CAPN13: variants seen among roughly 807,000 people sequenced by gnomAD.
The protein encoded by CAPN13 is calpain-13.
CAPN13 carries 90 observed loss-of-function variants against 98.4 expected under a neutral mutation model. The ratio of observed to expected loss-of-function variants is 0.92; its 90% CI spans 0.77 to 1.09. The LOEUF (loss-of-function observed/expected upper bound fraction) is 1.09, where lower values mean the gene tolerates loss of function less well. CAPN13 is among the 50% of genes least tolerant of loss of function. The probability of loss-of-function intolerance (pLI) is 0.00; values close to 1 mark genes in which losing one functional copy is unlikely to be tolerated. For missense variants in CAPN13, 887 were observed against 841.3 expected, an observed-to-expected ratio of 1.05 and a Z score of -0.67; for synonymous variants, 330 against 305.5, an observed-to-expected ratio of 1.08 and a Z score of -0.84.
chr2:30,742,083 G>A (rs956789175), intron 14 of CAPN13, 119 bp from the exon 15 acceptor site: 2 of 1,038,754 alleles, frequency 1.9e-6, no homozygotes. Flanking sequence ...TTGGGCAGTT[G>A]GAAAAAGCCT....
intron 2 of CAPN13, among the ~76,000 whole-genome samples, chr2:30,781,127 A>G (rs888383954): frequency 5.3e-5 from 8 of 152,344 alleles, no homozygotes; most frequent in African/African-American, 1.7e-4. Context: ...AGATTCACAT[A>G]GCTTCTCAGG....
At chr2:30,769,228 G>A (rs1211652970) in intron 5 of CAPN13, among the ~76,000 whole-genome samples, 1 of 152,016 alleles carries the variant, frequency 6.6e-6, no homozygotes, top group African/African-American at 2.4e-5. Flanking sequence ...TCCCCTTAGG[G>A]GCCCCCAGGA....
chr2:30,738,559 T>A (rs1671495949), intron 15 of CAPN13, 102 bp from the exon 16 acceptor site: 1 of 1,241,638 alleles, frequency 8.1e-7, no homozygotes. Flanking sequence ...AAGCACTTAG[T>A]CCCCACAATG....
intron 19 of CAPN13, 44 bp from the exon 20 acceptor site, chr2:30,732,610 C>A: frequency 1.3e-6 from 2 of 1,579,704 alleles, no homozygotes; most frequent in East Asian, 2.3e-5. Context: ...GGCTAGGGCT[C>A]GGGGGTTCCT....
chr2:30,794,995 C>T (rs926476277), intron 1 of CAPN13, among the ~76,000 whole-genome samples: 6 of 151,782 alleles, frequency 4.0e-5, no homozygotes, highest in African/African-American at 1.5e-4. Context: ...AAAGTTTATA[C>T]CTTAAACATA....
chr2:30,792,871 A>G (rs1327212248), intron 1 of CAPN13, among the ~76,000 whole-genome samples: 5 of 152,106 alleles, frequency 3.3e-5, no homozygotes, highest in East Asian at 3.9e-4. Flanking sequence ...AAGATACCAC[A>G]TCATAAGTTG....
At chr2:30,723,705 G>T (rs1008817324) in intron 22 of CAPN13, among the ~76,000 whole-genome samples, 6 of 152,104 alleles carry the variant, frequency 3.9e-5, no homozygotes, top group Admixed American at 2.6e-4. Context: ...AAGTGCAGGG[G>T]GCTTGGAATA....
chr2:30,787,395 A>G lies in CAPN13; in HGVS notation c.-32-38T>C, dbSNP rs192505621. The G allele has an allele frequency of 1.7e-4, 243 of 1,464,824 alleles. 4 individuals are homozygous for G. The East Asian group carries it at 5.8e-3, about 35-fold the overall frequency. The allele number at this position is 1,464,824 out of a possible 1,614,324, so 90.7% of individuals were successfully genotyped here. A position where few individuals can be genotyped will look rare whatever the true frequency, so the allele number is the denominator to read the frequency against. On this transcript the variant is annotated intron_variant, in intron 1 of 22. Transcript: ENST00000295055. Reference sequence around the variant, plus strand: ...AAAAGGGATACCTTTGGGGTAAGCCATCAAGTCCTTTGCATCATCAAATGT... The same window carrying G: ...AAAAGGGATACCTTTGGGGTAAGCCGTCAAGTCCTTTGCATCATCAAATGT...
In CAPN13 at chr2:30,787,199, C is replaced by A; in HGVS notation, c.127G>T (p.Ala43Ser). 1.2e-6 allele frequency: 2 copies of A among 1,603,644 alleles called. No homozygotes were observed. The highest frequency in any genetic ancestry group is 1.7e-6 in the Non-Finnish European group (2 of 1,175,200). Residue 43 changes from alanine (A) to serine (S), a missense_variant, in exon 2 of 23, where the codon GCA becomes TCA. Transcript: ENST00000295055. ...RTFKDETFPA[A>S]DSSIGQKLLQ... ...AGCTTCTGGCCTATGGAAGAATCTG[C>A]TGCAGGGAATGTCTCATCCTTAAAC...
intron 5 of CAPN13, among the ~76,000 whole-genome samples, chr2:30,769,937 T>G (rs1188478332): frequency 6.6e-6 from 1 of 152,122 alleles, no homozygotes; most frequent in African/African-American, 2.4e-5. Context: ...GAGGCCTCAC[T>G]CAAATGCCAC....
At chr2:30,792,713 G>C (rs1359907253) in intron 1 of CAPN13, among the ~76,000 whole-genome samples, 1 of 151,700 alleles carries the variant, frequency 6.6e-6, no homozygotes, top group Non-Finnish European at 1.5e-5. Flanking sequence ...ATTTTTATCA[G>C]CTCAGCAAAA....
rs77460230 is a variant in CAPN13 at position 30,752,615 on chromosome 2, C to T, written c.1087+438G>A. Reference sequence around the variant, plus strand: ...AGTATGACTATTTCCACTGCTGAGTCTTGGGGAGGCTGAGGACAGGGTGAC... The same window carrying T: ...AGTATGACTATTTCCACTGCTGAGTTTTGGGGAGGCTGAGGACAGGGTGAC... On this transcript the variant is annotated intron_variant, in intron 10 of 22. Transcript: ENST00000295055. Among the ~76,000 whole-genome samples the T allele has an allele frequency of 6.9e-3, 1,057 of 152,278 alleles. 7 individuals carry two copies. The highest frequency in any genetic ancestry group is 0.01 in the Non-Finnish European group (698 of 68,018).
chr2:30,754,745 A>G (rs1572821802), intron 8 of CAPN13, among the ~76,000 whole-genome samples: 2 of 152,070 alleles, frequency 1.3e-5, no homozygotes, highest in South Asian at 4.1e-4. Flanking sequence ...AATAGCATTC[A>G]TTGATTGATC....
intron 7 of CAPN13, among the ~76,000 whole-genome samples, 196 bp from the exon 8 acceptor site, chr2:30,758,333 C>A (rs970480518): frequency 1.3e-5 from 2 of 152,208 alleles, no homozygotes; most frequent in Non-Finnish European, 2.9e-5. Flanking sequence ...ATGAGATAGA[C>A]AAGGAAATGG....
chr2:30,782,523 C>G (rs1385706108), intron 2 of CAPN13, among the ~76,000 whole-genome samples: 1 of 152,190 alleles, frequency 6.6e-6, no homozygotes, highest in East Asian at 1.9e-4. Context: ...ACCTTGTTAA[C>G]CTCTTCCTTT....
chr2:30,764,725 G>A (rs1673027654), intron 5 of CAPN13, among the ~76,000 whole-genome samples: 1 of 152,142 alleles, frequency 6.6e-6, no homozygotes, highest in African/African-American at 2.4e-5. Context: ...ATTATGTTGA[G>A]TAACTCCTGC....
At chr2:30,738,107 T>G in intron 17 of CAPN13, 128 bp downstream of exon 17, 1 of 945,646 alleles carries the variant, frequency 1.1e-6, no homozygotes, top group African/African-American at 1.6e-5. Flanking sequence ...CCCCAGAAAC[T>G]CAAGGACAGG....
intron 1 of CAPN13, among the ~76,000 whole-genome samples, chr2:30,793,193 G>A (rs1411928547): frequency 6.6e-6 from 1 of 151,726 alleles, no homozygotes; most frequent in Non-Finnish European, 1.5e-5. Flanking sequence ...TCAGAAACAA[G>A]AAGGTCCTAT....
At chr2:30,743,736 A>T (rs2147972752) in intron 12 of CAPN13, 157 bp from the exon 13 acceptor site, 1 of 733,232 alleles carries the variant, frequency 1.4e-6, no homozygotes, top group Admixed American at 2.0e-5. Context: ...AAGTCTCAAA[A>T]AGCAGTAGTG....
Sources: allele counts gnomAD v4.1 joint callset (sites outside exome capture counted in the v4.1 genomes callset), GRCh38; gene constraint gnomAD v4.1.1; transcripts MANE v1.5; gene names NCBI Gene and HGNC (gene_info 2026-07-23, HGNC 2026-07-21).